PCCA: variants seen among roughly 807,000 people sequenced by gnomAD.
The protein encoded by PCCA is propionyl-CoA carboxylase subunit alpha, also known as propionyl-CoA carboxylase alpha chain, mitochondrial.
A neutral mutation model predicts 101.3 loss-of-function variants in PCCA; 74 were observed. The ratio of observed to expected loss-of-function variants is 0.73; its 90% CI spans 0.61 to 0.89. The LOEUF (loss-of-function observed/expected upper bound fraction) is 0.89. Ranked by LOEUF, PCCA falls within the 40% of genes least tolerant of loss-of-function variation. PCCA has a pLI of 0.00. For synonymous variants in PCCA, 294 were observed against 313.6 expected (o/e 0.94, Z 0.66); for missense variants, 891 against 907.0 (o/e 0.98, Z 0.23).
At chr13:100,117,547 C>A (rs1488240422) in intron 4 of PCCA, among the ~76,000 whole-genome samples, 1 of 151,604 alleles carries the variant, frequency 6.6e-6, no homozygotes, top group Admixed American at 6.6e-5. Flanking sequence ...ACTGCACGTT[C>A]TCACTCATAG....
intron 15 of PCCA, among the ~76,000 whole-genome samples, chr13:100,308,035 A>G (rs763867274): frequency 2.0e-4 from 31 of 151,878 alleles, no homozygotes; most frequent in Non-Finnish European, 2.4e-4. Context: ...TTTTGTTTTT[A>G]GTAGAGATGG....
intron 7 of PCCA, among the ~76,000 whole-genome samples, chr13:100,211,585 A>G (rs573808882): frequency 6.6e-6 from 1 of 152,020 alleles, no homozygotes; most frequent in South Asian, 2.1e-4. Flanking sequence ...CCATTCTTAG[A>G]TTCCTTCCCG....
chr13:100,245,210 T>C (rs2061366974), intron 8 of PCCA, among the ~76,000 whole-genome samples: 1 of 152,150 alleles, frequency 6.6e-6, no homozygotes, highest in African/African-American at 2.4e-5. Context: ...GAGTAATGCA[T>C]TGATAGTAGA....
chr13:100,436,057 A>AAG (rs370401216), intron 20 of PCCA, among the ~76,000 whole-genome samples: 55 of 151,596 alleles, frequency 3.6e-4, no homozygotes, highest in Admixed American at 3.0e-3. Flanking sequence ...TAAAAAAAAA[A>AAG]AGAGAGAGAG....
Position 100,425,707 on chromosome 13 carries a change from T to G in PCCA, c.1821T>G (p.Val607=). The G allele has an allele frequency of 6.2e-7, 1 of 1,613,554 alleles. No individual in the cohort carries two copies. The highest frequency in any genetic ancestry group is 8.5e-7 in the Non-Finnish European group (1 of 1,179,454). The change falls in exon 20 of 24, where the codon GTT becomes GTG. Residue 607 remains valine (V), a synonymous_variant. Transcript: ENST00000376285. ...NLASPLLSVS[V]DGTQRTVQCL... ...CTTCGCCCTTATTGTCTGTCAGCGT[T>G]GATGGCACTCAGAGGACTGTCCAGG...
chr13:100,227,600 C>T (rs547748052), intron 7 of PCCA, among the ~76,000 whole-genome samples: 3 of 152,236 alleles, frequency 2.0e-5, no homozygotes, highest in Admixed American at 6.5e-5. Context: ...CCCTTTTCTC[C>T]GTTTCTTAAG....
rs968174854 is a variant in PCCA, at chr13:100,194,633, C to A, written c.469-14699C>A. Among the ~76,000 whole-genome samples the A allele has an allele frequency of 2.0e-5, 3 of 152,090 alleles. No homozygotes were observed. The East Asian group carries it at 5.8e-4, about 29-fold the overall frequency. The stretch of plus-strand genomic sequence containing the variant: ...ACGGGGTTTCACCATATTGGCCAGG[C>A]TGGTCTCGAACTCCTGACCTTGTGA... On this transcript the variant is annotated intron_variant, in intron 6 of 23. Coordinates refer to ENST00000376285, the MANE Select transcript of PCCA (RefSeq NM_000282.4).
chr13:100,281,113 A>C (rs1458344837), intron 12 of PCCA, among the ~76,000 whole-genome samples: 55 of 152,204 alleles, frequency 3.6e-4, no homozygotes, highest in Non-Finnish European at 1.0e-4. Context: ...TAATGGCCCC[A>C]GCATACAAGA....
intron 21 of PCCA, among the ~76,000 whole-genome samples, chr13:100,482,355 G>T (rs1477438389): frequency 2.6e-5 from 4 of 152,150 alleles, no homozygotes; most frequent in African/African-American, 9.7e-5. Flanking sequence ...AAGAGAAGGG[G>T]CCAATAGAGA....
At chr13:100,230,529 A>C in intron 7 of PCCA, among the ~76,000 whole-genome samples, 1 of 141,642 alleles carries the variant, frequency 7.1e-6, no homozygotes, top group African/African-American at 2.7e-5. Flanking sequence ...TGAGTGACAG[A>C]CTCCCATCTC....
At chr13:100,154,865 C>A in intron 4 of PCCA, 114 bp from the exon 5 acceptor site, 2 of 773,718 alleles carry the variant, frequency 2.6e-6, no homozygotes, top group Non-Finnish European at 4.7e-6. Context: ...AAAAGAAATA[C>A]GACTCTATAA....
At chr13:100,470,810 G>C (rs1419728935) in intron 21 of PCCA, among the ~76,000 whole-genome samples, 1 of 152,088 alleles carries the variant, frequency 6.6e-6, no homozygotes, top group East Asian at 1.9e-4. Flanking sequence ...AGTGAGCCAA[G>C]GTCACAACAC....
chr13:100,416,542 AT>A (rs560092899), intron 19 of PCCA, among the ~76,000 whole-genome samples: 157 of 126,752 alleles, frequency 1.2e-3, no homozygotes, highest in African/African-American at 3.4e-3. Context: ...GTGTGTATGT[AT>A]TTTTTTTTTT....
At chr13:100,389,796 G>A (rs955385429) in intron 19 of PCCA, among the ~76,000 whole-genome samples, 1 of 152,190 alleles carries the variant, frequency 6.6e-6, no homozygotes, top group African/African-American at 2.4e-5. Flanking sequence ...AGATGGGAGG[G>A]GCAGGCCCCA....
At chr13:100,309,124 G>A (rs1055084468) in intron 15 of PCCA, among the ~76,000 whole-genome samples, 4 of 152,198 alleles carry the variant, frequency 2.6e-5, no homozygotes, top group African/African-American at 9.7e-5. Flanking sequence ...GCTGGACGCA[G>A]TGGCTCATAT....
At chr13:100,096,507 G>T (rs192938596) in intron 1 of PCCA, among the ~76,000 whole-genome samples, 1 of 152,044 alleles carries the variant, frequency 6.6e-6, no homozygotes, top group Non-Finnish European at 1.5e-5. Flanking sequence ...TCTTCTAAGC[G>T]TTCTAGTGAA....
At chr13:100,237,935 CTTTCTTT>C (rs1463903438) in intron 8 of PCCA, among the ~76,000 whole-genome samples, 82 of 131,078 alleles carry the variant, frequency 6.3e-4, no homozygotes, top group African/African-American at 2.3e-3. Flanking sequence ...TTCTTTCTTT[CTTTCTTT>C]TTTTTTTTTT....
chr13:100,299,531 ACT>A (rs1478401806), intron 12 of PCCA, among the ~76,000 whole-genome samples: 2 of 152,004 alleles, frequency 1.3e-5, no homozygotes, highest in African/African-American at 2.4e-5. Flanking sequence ...CATAGATGTG[ACT>A]CTGTATTTGC....
intron 21 of PCCA, among the ~76,000 whole-genome samples, chr13:100,509,122 A>G (rs1594071106): frequency 1.3e-5 from 2 of 151,716 alleles, no homozygotes; most frequent in East Asian, 1.9e-4. Context: ...TTTTCTTGCA[A>G]GTTAGTGTGG....
Sources: allele counts gnomAD v4.1 joint callset (sites outside exome capture counted in the v4.1 genomes callset), GRCh38; gene constraint gnomAD v4.1.1; transcripts MANE v1.5; gene names NCBI Gene and HGNC (gene_info 2026-07-23, HGNC 2026-07-21).